The following HMGCLL1 variants were observed in gnomAD, a reference collection of about 807,000 sequenced individuals.
HMGCLL1 encodes 3-hydroxy-3-methylglutaryl-CoA lyase like 1, also known as 3-hydroxymethyl-3-methylglutaryl-CoA lyase, cytoplasmic.
A neutral mutation model predicts 39.1 loss-of-function variants in HMGCLL1; 36 were observed. The ratio of observed to expected loss-of-function variants is 0.92; its 90% CI spans 0.71 to 1.22. The LOEUF (loss-of-function observed/expected upper bound fraction) is 1.22. Ranked by LOEUF, HMGCLL1 falls within the 50% of genes most tolerant of loss-of-function variation. The pLI, the probability that HMGCLL1 is intolerant of heterozygous loss-of-function variation, is 0.00. For missense variants in HMGCLL1, 451 were observed against 416.5 expected (o/e 1.08, Z -0.72); for synonymous variants, 149 against 144.0 (o/e 1.03, Z -0.25).
In HMGCLL1 at chr6:55,561,332, G is replaced by A. The variant is rs1358718807; in HGVS notation, c.108+17616C>T. On this transcript the variant is annotated intron_variant, in intron 1 of 8. Coordinates refer to ENST00000274901, the MANE Select transcript of HMGCLL1 (RefSeq NM_001042406.2). Reference sequence around the variant, plus strand: ...CCTTATCTAAAAGAAGGAAATAAGGGCCCTACAAGTAAAACTGAGAAAAGA... The same window carrying A: ...CCTTATCTAAAAGAAGGAAATAAGGACCCTACAAGTAAAACTGAGAAAAGA... Among the ~76,000 whole-genome samples the A allele has an allele frequency of 3.3e-5, 5 of 151,886 alleles. No homozygotes were observed. In the East Asian group the frequency reaches 9.7e-4, roughly 29 times the overall value.
chr6:55,587,776 T>A, the HMGCLL1 span, among the ~76,000 whole-genome samples: 8 of 151,862 alleles, frequency 5.3e-5, no homozygotes, highest in Non-Finnish European at 1.2e-4. Flanking sequence ...TAAACAGAAT[T>A]TAAACCAACA....
At chr6:55,539,970 AAGGAAGGAAGGAAGGAAGGAAGGAAGGG>A (rs1561946938) in intron 3 of HMGCLL1, among the ~76,000 whole-genome samples, 2 of 15,716 alleles carry the variant, frequency 1.3e-4, no homozygotes, top group Non-Finnish European at 3.4e-4. Context: ...GGAAGGAAGG[AAGGAAGGAAGGAAGGAAGGAAGGAAGGG>A]AGGGAGGGAG....
intron 7 of HMGCLL1, among the ~76,000 whole-genome samples, chr6:55,452,140 AAAAT>A (rs1764125238): frequency 6.6e-6 from 1 of 152,190 alleles, no homozygotes; most frequent in African/African-American, 2.4e-5. Context: ...TGAGGACACA[AAAAT>A]AAAGGAACAT....
At chr6:55,632,025 TTTTG>T in the HMGCLL1 span, among the ~76,000 whole-genome samples, 1 of 152,154 alleles carries the variant, frequency 6.6e-6, no homozygotes, top group African/African-American at 2.4e-5. Context: ...ATTAAGGTTT[TTTTG>T]TTTGTTTGTT....
the HMGCLL1 span, among the ~76,000 whole-genome samples, chr6:55,637,684 A>T: frequency 6.7e-6 from 1 of 150,260 alleles, no homozygotes; most frequent in Non-Finnish European, 1.5e-5. Context: ...AATTATATAC[A>T]TTCCCCTGGT....
chr6:55,457,228 T>G (rs1764363663), intron 7 of HMGCLL1, among the ~76,000 whole-genome samples: 1 of 152,180 alleles, frequency 6.6e-6, no homozygotes, highest in Admixed American at 6.6e-5. Flanking sequence ...CATAGGCACT[T>G]TATGAGATTC....
chr6:55,439,835 C>T lies in HMGCLL1; in HGVS notation c.796-276G>A, dbSNP rs146265715. Reference sequence around the variant, plus strand: ...ATGGTGTTGTTCGTTGGTAACAGCTCAACTGTAGGTGGTGAAGCTTAGAGT... The same window carrying T: ...ATGGTGTTGTTCGTTGGTAACAGCTTAACTGTAGGTGGTGAAGCTTAGAGT... On this transcript the variant is annotated intron_variant, in intron 7 of 8. Transcript: ENST00000274901. 1,306 of 289,012 alleles carry T rather than the reference C, an allele frequency of 4.5e-3. 33 individuals carry two copies. The Admixed American group carries it at 0.053, about 12-fold the overall frequency. The allele number at this position is 289,012 out of a possible 1,614,324, so 17.9% of individuals were successfully genotyped here.
chr6:55,611,717 T>A, the HMGCLL1 span, among the ~76,000 whole-genome samples: 6 of 152,168 alleles, frequency 3.9e-5, no homozygotes, highest in African/African-American at 1.4e-4. Flanking sequence ...CATGCTTATC[T>A]CAATAGATGC....
intron 7 of HMGCLL1, among the ~76,000 whole-genome samples, chr6:55,448,549 C>G (rs1191398975): frequency 6.6e-6 from 1 of 151,748 alleles, no homozygotes; most frequent in Non-Finnish European, 1.5e-5. Context: ...TTTTCATAGT[C>G]ATTTCCTTCT....
chr6:55,516,132 A>C (rs1285309235), intron 4 of HMGCLL1, among the ~76,000 whole-genome samples: 1 of 152,090 alleles, frequency 6.6e-6, no homozygotes, highest in Non-Finnish European at 1.5e-5. Context: ...CTGATCAACA[A>C]AGGTTGACAA....
intron 7 of HMGCLL1, among the ~76,000 whole-genome samples, chr6:55,452,484 T>G (rs1233384646): frequency 6.6e-6 from 1 of 152,252 alleles, no homozygotes; most frequent in African/African-American, 2.4e-5. Flanking sequence ...CCTGAATTTC[T>G]GACAGATTTT....
At chr6:55,511,788 A>G (rs10223668) in intron 5 of HMGCLL1, among the ~76,000 whole-genome samples, 102,363 of 151,918 alleles carry the variant, frequency 0.67, 34,529 homozygotes, top group Non-Finnish European at 0.7. Context: ...GAGGAATAAG[A>G]TATTTTCAAC....
At chr6:55,477,296 A>AT (rs1182564336) in intron 7 of HMGCLL1, among the ~76,000 whole-genome samples, 1 of 14,130 alleles carries the variant, frequency 7.1e-5, no homozygotes, top group African/African-American at 7.2e-4. Context: ...TATATAAAAT[A>AT]ATATATATTA....
chr6:55,667,098 T>C, the HMGCLL1 span, among the ~76,000 whole-genome samples: 2 of 151,630 alleles, frequency 1.3e-5, no homozygotes, highest in African/African-American at 4.8e-5. Context: ...GTAGAGATAT[T>C]CCAGATTCTA....
intron 1 of HMGCLL1, among the ~76,000 whole-genome samples, chr6:55,561,147 T>C (rs1374223323): frequency 6.6e-6 from 1 of 152,186 alleles, no homozygotes; most frequent in Non-Finnish European, 1.5e-5. Context: ...ACATACTATA[T>C]ATTATAAACA....
the HMGCLL1 span, among the ~76,000 whole-genome samples, chr6:55,619,622 C>T: frequency 9.2e-5 from 14 of 151,928 alleles, no homozygotes; most frequent in Non-Finnish European, 1.9e-4. Context: ...TTGATACAGG[C>T]GTACTATGTA....
At chr6:55,549,519 A>C (rs570392917) in intron 1 of HMGCLL1, among the ~76,000 whole-genome samples, 1 of 151,990 alleles carries the variant, frequency 6.6e-6, no homozygotes, top group African/African-American at 2.4e-5. Context: ...GGTTTATAAT[A>C]GAAAATGAAA....
the HMGCLL1 span, among the ~76,000 whole-genome samples, chr6:55,609,908 C>T: frequency 3.9e-5 from 6 of 152,080 alleles, no homozygotes; most frequent in East Asian, 3.9e-4. Context: ...GAACAGGGCC[C>T]GAAGTGAACC....
chr6:55,676,429 C>T, the HMGCLL1 span, among the ~76,000 whole-genome samples: 4 of 152,092 alleles, frequency 2.6e-5, no homozygotes, highest in Admixed American at 6.5e-5. Flanking sequence ...CACTATATTG[C>T]CTTATAAAAA....
Sources: allele counts gnomAD v4.1 joint callset (sites outside exome capture counted in the v4.1 genomes callset), GRCh38; gene constraint gnomAD v4.1.1; transcripts MANE v1.5; gene names NCBI Gene and HGNC (gene_info 2026-07-23, HGNC 2026-07-21).